The following MAP3K5 variants were observed in gnomAD, a reference collection of about 807,000 sequenced individuals.
The protein encoded by MAP3K5 is ASK-1.
Under a neutral mutation model 158.7 loss-of-function variants are expected in MAP3K5, and 56 were observed. The observed-to-expected ratio is 0.35, with a 90% CI of 0.28 to 0.44. MAP3K5 has a LOEUF of 0.44. Among genes scored for constraint, MAP3K5 ranks in the 20% least tolerant of loss-of-function variants. The probability of loss-of-function intolerance (pLI) is 1.00; values close to 1 mark genes in which losing one functional copy is unlikely to be tolerated. For synonymous variants in MAP3K5, 579 were observed against 601.7 expected, an observed-to-expected ratio of 0.96 and a Z score of 0.55; for missense variants, 1,294 against 1,674.8, an observed-to-expected ratio of 0.77 and a Z score of 3.97.
intron 2 of MAP3K5, among the ~76,000 whole-genome samples, chr6:136,708,520 C>A (rs1201183622): frequency 6.6e-6 from 1 of 152,044 alleles, no homozygotes; most frequent in East Asian, 1.9e-4. Context: ...CCTCCCAAAG[C>A]GCTAGGATTA....
chr6:136,563,309 T>C (rs2129068640), intron 26 of MAP3K5, among the ~76,000 whole-genome samples: 1 of 152,320 alleles, frequency 6.6e-6, no homozygotes, highest in Non-Finnish European at 1.5e-5. Context: ...ATATTTTACA[T>C]GTATGGACCC....
chr6:136,690,808 C>T (rs1780351590), intron 7 of MAP3K5, among the ~76,000 whole-genome samples: 1 of 151,988 alleles, frequency 6.6e-6, no homozygotes, highest in African/African-American at 2.4e-5. Context: ...GTGCTATATG[C>T]TTTTTCCTAT....
chr6:136,570,956 G>T (rs1300165044), intron 25 of MAP3K5, among the ~76,000 whole-genome samples: 1 of 152,114 alleles, frequency 6.6e-6, no homozygotes, highest in African/African-American at 2.4e-5. Context: ...TTCAAACCAA[G>T]GACAGTTTAA....
chr6:136,786,800 CTTTTTT>C (rs11296757), intron 1 of MAP3K5, among the ~76,000 whole-genome samples: 25 of 101,136 alleles, frequency 2.5e-4, no homozygotes, highest in African/African-American at 8.5e-4. Flanking sequence ...TTAAGTTCTT[CTTTTTT>C]TTTTTTTTTT....
intron 19 of MAP3K5, among the ~76,000 whole-genome samples, chr6:136,602,585 C>T (rs1033484561): frequency 3.0e-4 from 46 of 152,120 alleles, no homozygotes; most frequent in African/African-American, 1.0e-3. Context: ...ATTTCAGCCA[C>T]GAGCCACCAT....
chr6:136,677,621 C>G (rs895259487), intron 7 of MAP3K5, among the ~76,000 whole-genome samples: 1 of 152,166 alleles, frequency 6.6e-6, no homozygotes, highest in Admixed American at 6.5e-5. Context: ...CCTGAAGGAG[C>G]AGCCTTCTCA....
chr6:136,748,608 T>C (rs1043550284), intron 1 of MAP3K5, among the ~76,000 whole-genome samples: 2 of 152,228 alleles, frequency 1.3e-5, no homozygotes, highest in African/African-American at 2.4e-5. Flanking sequence ...CAAAAGACTA[T>C]AAGATTAGTT....
At chr6:136,690,325 T>A (rs1033190391) in intron 7 of MAP3K5, among the ~76,000 whole-genome samples, 4 of 152,198 alleles carry the variant, frequency 2.6e-5, no homozygotes, top group African/African-American at 4.8e-5. Context: ...AGTTTTTTTT[T>A]ATGTTAAAAC....
intron 8 of MAP3K5, among the ~76,000 whole-genome samples, chr6:136,661,306 G>A (rs1778994579): frequency 6.6e-6 from 1 of 152,136 alleles, no homozygotes; most frequent in African/African-American, 2.4e-5. Flanking sequence ...GGTAAAGAGA[G>A]AACAGCTTTG....
At chr6:136,621,491 TG>T (rs1371248826) in intron 15 of MAP3K5, among the ~76,000 whole-genome samples, 1 of 152,206 alleles carries the variant, frequency 6.6e-6, no homozygotes, top group African/African-American at 2.4e-5. Context: ...TATAGAAAGG[TG>T]GACATGATAT....
At chr6:136,773,898 G>C (rs1201421574) in intron 1 of MAP3K5, among the ~76,000 whole-genome samples, 1 of 152,036 alleles carries the variant, frequency 6.6e-6, no homozygotes, top group Non-Finnish European at 1.5e-5. Flanking sequence ...CAGGTGATCT[G>C]CCTGCCTCAG....
intron 1 of MAP3K5, among the ~76,000 whole-genome samples, chr6:136,786,842 T>C (rs1447974202): frequency 6.9e-6 from 1 of 145,368 alleles, no homozygotes; most frequent in Non-Finnish European, 1.5e-5. Flanking sequence ...TCTCATTCTG[T>C]CACCCAGGCT....
chr6:136,721,157 A>C (rs1220650306), intron 1 of MAP3K5, among the ~76,000 whole-genome samples: 1 of 152,010 alleles, frequency 6.6e-6, no homozygotes, highest in Non-Finnish European at 1.5e-5. Context: ...GGTGGGAAGC[A>C]GGGGCTAATG....
intron 26 of MAP3K5, among the ~76,000 whole-genome samples, chr6:136,565,741 C>G (rs1774076717): frequency 6.6e-6 from 1 of 152,156 alleles, no homozygotes; most frequent in Non-Finnish European, 1.5e-5. Flanking sequence ...GGACTGGTCC[C>G]TTATTTCAAT....
Position 136,601,944 on chromosome 6 carries a change from C to T in MAP3K5, c.2715G>A (p.Glu905=). 1 of 1,614,100 alleles carries T rather than the reference C, an allele frequency of 6.2e-7. No individual in the cohort carries two copies. Among genetic ancestry groups the T allele is most frequent in the South Asian group, 1.1e-5 (1 of 91,078 alleles). The change falls in exon 20 of 30, where the codon GAG becomes GAA. Residue 905 remains glutamate, a synonymous_variant. Transcript: ENST00000359015. The stretch of plus-strand genomic sequence containing the variant: ...ATGCCTTGGCCTCTGCAGACATGGA[C>T]TCTGGGATCTCAGGGTGGACTTTAA... ...GMFKVHPEIP[E]SMSAEAKAFI...
intron 11 of MAP3K5, among the ~76,000 whole-genome samples, chr6:136,644,741 C>G (rs968586980): frequency 2.0e-5 from 3 of 152,130 alleles, no homozygotes; most frequent in Non-Finnish European, 4.4e-5. Flanking sequence ...AGTCCATTTG[C>G]CTTGCTGGGG....
intron 11 of MAP3K5, among the ~76,000 whole-genome samples, chr6:136,649,615 A>G (rs533455816): frequency 6.6e-6 from 1 of 152,342 alleles, no homozygotes; most frequent in African/African-American, 2.4e-5. Flanking sequence ...TTCAACACCA[A>G]CAACCTCCCA....
chr6:136,589,942 A>T (rs1386769841), intron 23 of MAP3K5, among the ~76,000 whole-genome samples: 1 of 152,216 alleles, frequency 6.6e-6, no homozygotes, highest in Non-Finnish European at 1.5e-5. Context: ...TGTCCTGTCA[A>T]AATTCATGTT....
intron 7 of MAP3K5, among the ~76,000 whole-genome samples, chr6:136,670,154 C>G (rs922310169): frequency 3.9e-5 from 6 of 152,050 alleles, no homozygotes; most frequent in Non-Finnish European, 8.8e-5. Context: ...AAAGACTTTT[C>G]TGAATATGCA....
Sources: allele counts gnomAD v4.1 joint callset (sites outside exome capture counted in the v4.1 genomes callset), GRCh38; gene constraint gnomAD v4.1.1; transcripts MANE v1.5; gene names NCBI Gene and HGNC (gene_info 2026-07-23, HGNC 2026-07-21).